F13A1: variants seen among roughly 807,000 people sequenced by gnomAD.
The protein encoded by F13A1 is FSF, A subunit.
In F13A1, 47 loss-of-function variants were observed where a neutral mutation model predicts 80.1. The ratio of observed to expected loss-of-function variants is 0.59; its 90% CI spans 0.46 to 0.75. The LOEUF is 0.75. Ranked by LOEUF, F13A1 falls within the 30% of genes least tolerant of loss-of-function variation. The pLI is 0.00. For synonymous variants in F13A1, 349 were observed against 344.9 expected, an observed-to-expected ratio of 1.01 and a Z score of -0.13; for missense variants, 817 against 930.4, an observed-to-expected ratio of 0.88 and a Z score of 1.59.
At chr6:6,274,590 G>A (rs774334978) in intron 3 of F13A1, among the ~76,000 whole-genome samples, 1 of 152,216 alleles carries the variant, frequency 6.6e-6, no homozygotes, top group African/African-American at 2.4e-5. Flanking sequence ...ACAGCATTGA[G>A]ATAGGAGAAT....
In F13A1 at chr6:6,286,622, G is replaced by A. The variant is rs192114862; in HGVS notation, c.319+18729C>T. On this transcript the variant is annotated intron_variant, in intron 3 of 14. Coordinates refer to ENST00000264870, the MANE Select transcript of F13A1 (RefSeq NM_000129.4). ...ACTGCTGCTAACATACTTTGGTGCT[G>A]TGGGACTCCAGTACATTTGCTGCCA... Among the ~76,000 whole-genome samples the A allele has an allele frequency of 2.0e-4, 30 of 152,216 alleles. 1 individual carries two copies. Among genetic ancestry groups the A allele is most frequent in the African/African-American group, 6.5e-4 (27 of 41,456 alleles).
At chr6:6,214,950 G>GAC (rs1761694814) in intron 8 of F13A1, among the ~76,000 whole-genome samples, 1 of 97,490 alleles carries the variant, frequency 1.0e-5, no homozygotes, top group African/African-American at 4.0e-5. Context: ...TAAATTCCTC[G>GAC]ACACATACAC....
At chr6:6,186,736 A>G (rs1312366933) in intron 10 of F13A1, among the ~76,000 whole-genome samples, 2 of 152,006 alleles carry the variant, frequency 1.3e-5, no homozygotes, top group Non-Finnish European at 2.9e-5. Context: ...TGAACTTTAA[A>G]GTAGTTTTTT....
chr6:6,160,285 AAAGG>A (rs1037820059), intron 13 of F13A1, among the ~76,000 whole-genome samples: 10 of 150,652 alleles, frequency 6.6e-5, no homozygotes, highest in African/African-American at 2.4e-4. Flanking sequence ...TAAAAAAAAA[AAAGG>A]AAAGAAAGAA....
At chr6:6,251,840 G>A (rs542020991) in intron 4 of F13A1, among the ~76,000 whole-genome samples, 91 of 152,156 alleles carry the variant, frequency 6.0e-4, no homozygotes, top group Non-Finnish European at 1.0e-3. Flanking sequence ...AGAGAACTTC[G>A]TAACGGGTGG....
chr6:6,224,862 T>A lies in F13A1; in HGVS notation c.799-2A>T. The A allele has an allele frequency of 6.2e-7, 1 of 1,614,038 alleles. No homozygotes were observed. Among genetic ancestry groups the A allele is most frequent in the Non-Finnish European group, 8.5e-7 (1 of 1,179,898 alleles). ...ACCTTCGTCATCTTTGGCATTCACCTAAATGAGTCCGTGAGAAGTGAGAAG... is the reference window on the plus strand; with the variant it reads ...ACCTTCGTCATCTTTGGCATTCACCAAAATGAGTCCGTGAGAAGTGAGAAG... On this transcript the variant is annotated splice_acceptor_variant, in intron 6 of 14. Coordinates refer to ENST00000264870, the MANE Select transcript of F13A1 (RefSeq NM_000129.4). LOFTEE classifies it high-confidence loss of function.
intron 8 of F13A1, among the ~76,000 whole-genome samples, chr6:6,212,525 C>T (rs1305001599): frequency 6.6e-6 from 1 of 152,196 alleles, no homozygotes; most frequent in Non-Finnish European, 1.5e-5. Context: ...AAAAACCCAT[C>T]TGTACATCAC....
At chr6:6,186,433 C>A (rs1761081396) in intron 10 of F13A1, among the ~76,000 whole-genome samples, 2 of 152,208 alleles carry the variant, frequency 1.3e-5, no homozygotes, top group African/African-American at 4.8e-5. Flanking sequence ...TTTCAGCTTT[C>A]CACCTATGGC....
intron 12 of F13A1, among the ~76,000 whole-genome samples, chr6:6,174,279 AC>A (rs1352152703): frequency 6.6e-6 from 1 of 152,194 alleles, no homozygotes; most frequent in African/African-American, 2.4e-5. Context: ...AATCCCAGCT[AC>A]TCGGGAGGCT....
intron 14 of F13A1, among the ~76,000 whole-genome samples, chr6:6,146,894 A>G (rs1325490273): frequency 1.3e-5 from 2 of 152,206 alleles, no homozygotes; most frequent in African/African-American, 2.4e-5. Flanking sequence ...AATTGCAAAA[A>G]TATGGAACCA....
At chr6:6,240,539 C>A (rs1011195127) in intron 6 of F13A1, among the ~76,000 whole-genome samples, 1 of 152,162 alleles carries the variant, frequency 6.6e-6, no homozygotes, top group Non-Finnish European at 1.5e-5. Context: ...TCATGACCCA[C>A]CCCCAGTGCT....
At chr6:6,235,170 A>G (rs189917437) in intron 6 of F13A1, among the ~76,000 whole-genome samples, 22 of 152,180 alleles carry the variant, frequency 1.4e-4, no homozygotes, top group African/African-American at 5.3e-4. Flanking sequence ...TATAAAACCT[A>G]GGGTTATAAA....
At chr6:6,292,465 T>C (rs1758236862) in intron 3 of F13A1, among the ~76,000 whole-genome samples, 1 of 152,158 alleles carries the variant, frequency 6.6e-6, no homozygotes, top group Admixed American at 6.5e-5. Context: ...ACTGCAGCCA[T>C]AACCCCGGTT....
chr6:6,189,931 T>C (rs1761154656), intron 10 of F13A1, among the ~76,000 whole-genome samples: 1 of 152,200 alleles, frequency 6.6e-6, no homozygotes, highest in African/African-American at 2.4e-5. Flanking sequence ...TTCTTTTTAT[T>C]CTTTTTTCTC....
chr6:6,230,079 G>A (rs1295335404), intron 6 of F13A1, among the ~76,000 whole-genome samples: 1 of 152,204 alleles, frequency 6.6e-6, no homozygotes, highest in African/African-American at 2.4e-5. Flanking sequence ...ATTTGAATGG[G>A]GTGAGAAGCC....
At chr6:6,287,121 G>A (rs1758149542) in intron 3 of F13A1, among the ~76,000 whole-genome samples, 1 of 152,168 alleles carries the variant, frequency 6.6e-6, no homozygotes, top group Non-Finnish European at 1.5e-5. Flanking sequence ...AGTCCATTTG[G>A]ATCCTTTCTT....
chr6:6,176,459 G>A (rs1760884290), intron 11 of F13A1, among the ~76,000 whole-genome samples: 1 of 152,190 alleles, frequency 6.6e-6, no homozygotes, highest in East Asian at 1.9e-4. Flanking sequence ...GTGAATTAGA[G>A]GAAGTAGATA....
At chr6:6,170,679 A>G (rs894747391) in intron 12 of F13A1, among the ~76,000 whole-genome samples, 1 of 152,122 alleles carries the variant, frequency 6.6e-6, no homozygotes, top group Admixed American at 6.5e-5. Context: ...GAGAGGTTTA[A>G]GTTATTCAGA....
intron 13 of F13A1, among the ~76,000 whole-genome samples, chr6:6,166,361 G>A (rs974850037): frequency 6.6e-5 from 10 of 152,210 alleles, no homozygotes; most frequent in Admixed American, 3.9e-4. Context: ...ATGACTCACA[G>A]CAAAGGATTC....
Sources: allele counts gnomAD v4.1 joint callset (sites outside exome capture counted in the v4.1 genomes callset), GRCh38; gene constraint gnomAD v4.1.1; transcripts MANE v1.5; gene names NCBI Gene and HGNC (gene_info 2026-07-23, HGNC 2026-07-21).